CLEC20A: variants seen among roughly 807,000 people sequenced by gnomAD.
The protein encoded by CLEC20A is C-type lectin domain containing 20A, also known as putative C-type lectin domain family 20 member A.
upstream of CLEC20A, among the ~76,000 whole-genome samples, chr1:178,498,991 T>C (rs1217492225): frequency 6.6e-6 from 1 of 152,210 alleles, no homozygotes; most frequent in African/African-American, 2.4e-5. Context: ...AGGACCACTC[T>C]CTGGGGACAG....
chr1:178,479,635 G>A lies in CLEC20A; in HGVS notation c.1123-20C>T. On this transcript the variant is annotated intron_variant, in intron 7 of 7. Coordinates refer to ENST00000623247, the Ensembl canonical transcript of CLEC20A. ...CTGGATCTGAAACATCAAAAAGAGA[G>A]AAAGTGTTGATGCGGTCTTTTTACT... is the stretch of plus-strand genomic sequence containing the variant. 2.5e-6 allele frequency: 1 copy of A among 398,426 alleles called. No homozygotes were observed. 24.7% of individuals were successfully genotyped at this position (398,426 alleles called of 1,614,324 possible). A position where few individuals can be genotyped will look rare whatever the true frequency, so the allele number is the denominator to read the frequency against.
At chr1:178,494,557 A>G (rs2101877996) in exon 2 of CLEC20A, 1 of 399,332 alleles carries the variant, frequency 2.5e-6, no homozygotes, top group Non-Finnish European at 4.4e-6. Flanking sequence ...CCCCAAATTC[A>G]GGTAGCTTCT....
intron 3 of CLEC20A, among the ~76,000 whole-genome samples, chr1:178,492,215 C>T (rs1044132890): frequency 1.3e-5 from 2 of 152,094 alleles, no homozygotes; most frequent in Admixed American, 6.6e-5. Flanking sequence ...CCGGGAATGT[C>T]GGGTGAGCTG....
exon 6 of CLEC20A, chr1:178,483,218 ATGT>A: frequency 2.5e-6 from 1 of 398,568 alleles, no homozygotes; most frequent in Non-Finnish European, 4.4e-6. Context: ...CTGAACTCAG[ATGT>A]TGGGCCTCCG....
At chr1:178,497,903 CCCCTTGGG>C (rs1253464972), upstream of CLEC20A, among the ~76,000 whole-genome samples, 4 of 151,930 alleles carry the variant, frequency 2.6e-5, no homozygotes, top group Non-Finnish European at 4.4e-5. Context: ...TGAGGCTAGA[CCCCTTGGG>C]TCCTCAGGGT....
Position 178,482,411 on chromosome 1 carries a change from T to G in CLEC20A, c.1037-14A>C, listed in dbSNP as rs1649013326. On this transcript the variant is annotated splice_polypyrimidine_tract_variant and intron_variant, in intron 6 of 7. Coordinates refer to ENST00000623247, the Ensembl canonical transcript of CLEC20A. ...CAAAAGGGTGCCCTGAAAAAGAAAG[T>G]GCTACCTGTTCAGGGGGATATTATC... is the stretch of plus-strand genomic sequence containing the variant. 2.5e-6 allele frequency: 1 copy of G among 398,434 alleles called. No homozygotes were observed. The highest frequency in any genetic ancestry group is 1.3e-4 in the South Asian group (1 of 7,856). The allele number at this position is 398,434 out of a possible 1,614,324, so 24.7% of individuals were successfully genotyped here.
chr1:178,486,169 T>A (rs1462244401), intron 5 of CLEC20A, among the ~76,000 whole-genome samples: 2 of 152,134 alleles, frequency 1.3e-5, no homozygotes, highest in Non-Finnish European at 2.9e-5. Flanking sequence ...TCCATTTCCA[T>A]CCTAAATTAC....
chr1:178,480,723 A>T (rs1648948217), intron 7 of CLEC20A: 6 of 152,156 alleles, frequency 3.9e-5, no homozygotes. Context: ...TGGAGCTTGC[A>T]GTGAGCCGCG....
exon 8 of CLEC20A, chr1:178,479,558 T>C (rs767856144): frequency 3.3e-5 from 13 of 398,438 alleles, no homozygotes; most frequent in African/African-American, 4.1e-5. Flanking sequence ...ACTTCGAAGC[T>C]GACCCATTTC....
At chr1:178,497,297 G>A (rs6676826), upstream of CLEC20A, 10,128 of 254,588 alleles carry the variant, frequency 0.04, 245 homozygotes, top group Middle Eastern at 0.093. Flanking sequence ...AAGGCCAGCC[G>A]TAGGAACTAG....
intron 5 of CLEC20A, among the ~76,000 whole-genome samples, chr1:178,487,423 A>G (rs1343431007): frequency 6.6e-6 from 1 of 151,928 alleles, no homozygotes; most frequent in African/African-American, 2.4e-5. Flanking sequence ...GGGCTCCCAC[A>G]CTCTCCAGCG....
chr1:178,479,432 C>A (rs1648885962), exon 8 of CLEC20A: 3 of 393,034 alleles, frequency 7.6e-6, no homozygotes, highest in Non-Finnish European at 1.3e-5. Flanking sequence ...TGGCACATGT[C>A]GAGTTCTTCC....
intron 5 of CLEC20A, among the ~76,000 whole-genome samples, chr1:178,487,590 G>A (rs1290849045): frequency 2.6e-5 from 4 of 152,226 alleles, no homozygotes; most frequent in African/African-American, 9.6e-5. Flanking sequence ...AGGGGGGGAT[G>A]CTCCCCTTCT....
In CLEC20A at chr1:178,482,514, A is replaced by G. The variant is rs1469303178; in HGVS notation, c.1037-117T>C. 3 of 396,428 alleles carry G rather than the reference A, an allele frequency of 7.6e-6. No individual in the cohort carries two copies. In the East Asian group the frequency reaches 1.1e-4, roughly 14 times the overall value. The allele number at this position is 396,428 out of a possible 1,614,324, so 24.6% of individuals were successfully genotyped here. A position where few individuals can be genotyped will look rare whatever the true frequency, so the allele number is the denominator to read the frequency against. Reference sequence around the variant, plus strand: ...ATGCTACATGTTGATTTGGGATTTCAAGAAGAAGAAAGAAACTGCTGAGCA... The same window carrying G: ...ATGCTACATGTTGATTTGGGATTTCGAGAAGAAGAAAGAAACTGCTGAGCA... On this transcript the variant is annotated intron_variant, in intron 6 of 7. Coordinates refer to ENST00000623247, the Ensembl canonical transcript of CLEC20A.
chr1:178,487,050 G>T (rs1339776813), intron 5 of CLEC20A: 1 of 387,404 alleles, frequency 2.6e-6, no homozygotes, highest in Non-Finnish European at 4.6e-6. Context: ...GGCCGGTGCT[G>T]GTCCCTAGGG....
chr1:178,479,433 G>A (rs773918640), exon 8 of CLEC20A: 17 of 393,182 alleles, frequency 4.3e-5, no homozygotes, highest in Admixed American at 4.4e-5. Context: ...GGCACATGTC[G>A]AGTTCTTCCT....
chr1:178,491,193 A>G (rs1165603599), intron 3 of CLEC20A, among the ~76,000 whole-genome samples: 1 of 152,180 alleles, frequency 6.6e-6, no homozygotes, highest in Non-Finnish European at 1.5e-5. Flanking sequence ...TACCCTGCCC[A>G]TCGCCGGTGC....
At chr1:178,489,017 A>C (rs573629500) in intron 4 of CLEC20A, among the ~76,000 whole-genome samples, 133 of 152,280 alleles carry the variant, frequency 8.7e-4, no homozygotes, top group African/African-American at 3.2e-3. Flanking sequence ...TAGTGATGAT[A>C]GTTGGACAAC....
In CLEC20A at chr1:178,494,631, C is replaced by T. The variant is rs35617144; in HGVS notation, c.220G>A (p.Asp74Asn). Residue 74 changes from aspartate to asparagine, a missense_variant, in exon 2 of 8, where the codon GAC becomes AAC. Physicochemically the swap from Asp to Asn is conservative, Grantham distance 23 (BLOSUM62 1). Transcript: ENST00000623247. ...CATCTCAGGCCAGAAGTGCTTGCGT[C>T]GAAGAAGAGGCCAATCCAAGCCGGG... is the stretch of plus-strand genomic sequence containing the variant. 3,098 of 399,384 alleles carry T rather than the reference C, an allele frequency of 7.8e-3. 18 individuals are homozygous for T. Among genetic ancestry groups the T allele is most frequent in the Non-Finnish European group, 0.012 (2,686 of 226,330 alleles). 24.7% of individuals were successfully genotyped at this position (399,384 alleles called of 1,614,324 possible). A position where few individuals can be genotyped will look rare whatever the true frequency, so the allele number is the denominator to read the frequency against.
Sources: allele counts gnomAD v4.1 joint callset (sites outside exome capture counted in the v4.1 genomes callset), GRCh38; gene constraint gnomAD v4.1.1; transcripts MANE v1.5; gene names NCBI Gene and HGNC (gene_info 2026-07-23, HGNC 2026-07-21).